The following TTC39B variants were observed in gnomAD, a reference collection of about 807,000 sequenced individuals.
TTC39B encodes tetratricopeptide repeat protein 39B.
TTC39B carries 92 observed loss-of-function variants against 96.6 expected under a neutral mutation model. The observed-to-expected ratio is 0.95, with a 90% CI of 0.80 to 1.13. TTC39B has a LOEUF of 1.13. TTC39B is among the 50% of genes most tolerant of loss of function. TTC39B has a pLI of 0.00. For synonymous variants in TTC39B, 367 were observed against 299.4 expected (o/e 1.23, Z -2.33); for missense variants, 955 against 809.3 (o/e 1.18, Z -2.18).
chr9:15,186,297 G>A (rs1004393429), intron 15 of TTC39B, among the ~76,000 whole-genome samples: 1 of 152,130 alleles, frequency 6.6e-6, no homozygotes, highest in Non-Finnish European at 1.5e-5. Flanking sequence ...GGAAAAGGCA[G>A]TGGAAATGTG....
At chr9:15,173,089 T>G (rs1046000298) in intron 19 of TTC39B, among the ~76,000 whole-genome samples, 4 of 152,220 alleles carry the variant, frequency 2.6e-5, no homozygotes, top group Non-Finnish European at 4.4e-5. Flanking sequence ...TTTTCATTGC[T>G]TTTTAGCAGT....
At chr9:15,219,219 T>C (rs908056178) in intron 3 of TTC39B, among the ~76,000 whole-genome samples, 3 of 152,218 alleles carry the variant, frequency 2.0e-5, no homozygotes, top group African/African-American at 2.4e-5. Context: ...AAGTCTGCAG[T>C]TACTACTATA....
intron 2 of TTC39B, among the ~76,000 whole-genome samples, chr9:15,239,553 G>T (rs1821945051): frequency 1.3e-5 from 2 of 152,136 alleles, no homozygotes; most frequent in Admixed American, 1.3e-4. Flanking sequence ...AAGAAAATGT[G>T]GAATAGATAC....
intron 1 of TTC39B, among the ~76,000 whole-genome samples, chr9:15,287,962 A>T (rs1373952740): frequency 6.7e-5 from 10 of 149,568 alleles, no homozygotes; most frequent in African/African-American, 2.5e-4. Context: ...AAAAAAAAAA[A>T]AAAAAAACAT....
intron 1 of TTC39B, among the ~76,000 whole-genome samples, chr9:15,290,579 G>C (rs562974735): frequency 6.6e-6 from 1 of 152,208 alleles, no homozygotes. Flanking sequence ...AGAGACAAAT[G>C]CACGTTTGAC....
chr9:15,268,780 G>C (rs1327059151), intron 1 of TTC39B, among the ~76,000 whole-genome samples: 2 of 152,120 alleles, frequency 1.3e-5, no homozygotes, highest in Non-Finnish European at 2.9e-5. Flanking sequence ...CCCTACTCCT[G>C]TGCTTGACAC....
intron 2 of TTC39B, among the ~76,000 whole-genome samples, chr9:15,247,263 T>G (rs1458379968): frequency 6.6e-6 from 1 of 152,194 alleles, no homozygotes; most frequent in African/African-American, 2.4e-5. Flanking sequence ...CTAGAGTGGT[T>G]TTATCTTAAG....
intron 2 of TTC39B, among the ~76,000 whole-genome samples, chr9:15,230,353 G>T (rs1007956042): frequency 2.6e-5 from 4 of 152,090 alleles, no homozygotes; most frequent in Admixed American, 2.6e-4. Context: ...TCACCAAAAT[G>T]TATCCATATA....
intron 8 of TTC39B, among the ~76,000 whole-genome samples, chr9:15,198,208 C>T (rs1307507203): frequency 1.3e-5 from 2 of 152,212 alleles, no homozygotes; most frequent in East Asian, 3.9e-4. Flanking sequence ...CCTGTAATCC[C>T]AGCGCTTTGG....
chr9:15,207,969 G>A (rs1336927079), intron 6 of TTC39B, among the ~76,000 whole-genome samples: 3 of 121,878 alleles, frequency 2.5e-5, no homozygotes, highest in South Asian at 3.0e-4. Flanking sequence ...GGGCAACAGA[G>A]TGAGACTTGG....
intron 19 of TTC39B, among the ~76,000 whole-genome samples, chr9:15,174,745 C>T (rs1817838528): frequency 6.6e-6 from 1 of 152,074 alleles, no homozygotes; most frequent in South Asian, 2.1e-4. Context: ...AGCTGGCCAA[C>T]CCCTGATATA....
intron 1 of TTC39B, among the ~76,000 whole-genome samples, chr9:15,283,247 G>A (rs1823834301): frequency 6.6e-6 from 1 of 152,218 alleles, no homozygotes; most frequent in Non-Finnish European, 1.5e-5. Flanking sequence ...TTATTCACAT[G>A]TGTATATAAG....
At chr9:15,230,360 T>C (rs1165941563) in intron 2 of TTC39B, among the ~76,000 whole-genome samples, 4 of 152,196 alleles carry the variant, frequency 2.6e-5, no homozygotes, top group South Asian at 2.1e-4. Context: ...AATGTATCCA[T>C]ATATTAGCAG....
At chr9:15,299,125 A>G (rs925621835) in intron 1 of TTC39B, among the ~76,000 whole-genome samples, 1 of 152,194 alleles carries the variant, frequency 6.6e-6, no homozygotes, top group Admixed American at 6.5e-5. Flanking sequence ...CCATAACCTG[A>G]GGCAGGAGCT....
intron 17 of TTC39B, among the ~76,000 whole-genome samples, chr9:15,180,310 G>A (rs373182640): frequency 2.8e-4 from 42 of 152,260 alleles, no homozygotes; most frequent in African/African-American, 7.9e-4. Context: ...CTCTCATAAT[G>A]TTTGCTATAT....
At chr9:15,188,274 T>C (rs1818652706) in intron 13 of TTC39B, 142 bp from the exon 14 acceptor site, 2 of 780,194 alleles carry the variant, frequency 2.6e-6, no homozygotes, top group Non-Finnish European at 3.8e-6. Context: ...TATGTTCTTT[T>C]CCTTACAGGC....
At chr9:15,264,654 TAAAA>T (rs546870324) in intron 2 of TTC39B, among the ~76,000 whole-genome samples, 1 of 118,088 alleles carries the variant, frequency 8.5e-6, no homozygotes, top group Non-Finnish European at 1.7e-5. Context: ...GACTCTGTCT[TAAAA>T]AAAAAAAAAA....
chr9:15,275,995 T>G (rs1434875603), intron 1 of TTC39B, among the ~76,000 whole-genome samples: 1 of 152,172 alleles, frequency 6.6e-6, no homozygotes, highest in Non-Finnish European at 1.5e-5. Context: ...TGCTGATATA[T>G]AAATACCATG....
intron 19 of TTC39B, among the ~76,000 whole-genome samples, chr9:15,174,712 A>G (rs1817836424): frequency 6.6e-6 from 1 of 152,204 alleles, no homozygotes; most frequent in African/African-American, 2.4e-5. Context: ...AAAAATATTT[A>G]CTATCTAGCC....
Sources: gnomAD v4.1 joint callset for allele counts (sites outside exome capture counted in the v4.1 genomes callset) on GRCh38, gnomAD v4.1.1 for gene constraint, MANE v1.5 for transcripts, NCBI Gene and HGNC (gene_info 2026-07-23, HGNC 2026-07-21) for gene names.